Variants in FBXO30 observed in about 807,000 individuals in gnomAD.
FBXO30 encodes the protein F-box only protein 30.
Under a neutral mutation model 58.1 loss-of-function variants are expected in FBXO30, and 21 were observed. The ratio of observed to expected loss-of-function variants is 0.36; its 90% CI spans 0.26 to 0.52. The LOEUF (loss-of-function observed/expected upper bound fraction) is 0.52. Ranked by LOEUF, FBXO30 falls within the 20% of genes least tolerant of loss-of-function variation. FBXO30 has a pLI of 0.93. For missense variants in FBXO30, 744 were observed against 897.3 expected, an observed-to-expected ratio of 0.83 and a Z score of 2.18; for synonymous variants, 309 against 312.4, an observed-to-expected ratio of 0.99 and a Z score of 0.11.
chr6:145,805,502 T>A lies in FBXO30; in HGVS notation c.904A>T (p.Asn302Tyr). ...CTTTGTTTTGAATCACCATGTAAAT[T>A]CTGATTCTGGTCTATGACCTGGGTA... ...ICTQVIDQNQ[N>Y]LHGDSKQSNL... The change falls in exon 2 of 3, where the codon AAT becomes TAT. Residue 302 changes from asparagine to tyrosine, a missense_variant. Asn to Tyr is a moderately radical substitution (Grantham distance 143). This residue lies in a region of FBXO30 where 275 missense variants were observed against 262.0 expected (regional missense o/e 1.05). Transcript: ENST00000237281. The A allele has an allele frequency of 6.2e-7, 1 of 1,605,704 alleles. No individual in the cohort carries two copies. The highest frequency in any genetic ancestry group is 8.5e-7 in the Non-Finnish European group (1 of 1,175,582).
chr6:145,803,135 A>T (rs938652735), intron 2 of FBXO30, among the ~76,000 whole-genome samples: 1 of 152,136 alleles, frequency 6.6e-6, no homozygotes, highest in African/African-American at 2.4e-5. Flanking sequence ...TTTGAAGAGT[A>T]GGTGAGATTT....
rs932565087 is a variant in FBXO30, at chr6:145,793,808, A to G, written c.*6298T>C. The G allele has an allele frequency of 2.6e-5, 4 of 152,066 alleles. No individual in the cohort carries two copies. The highest frequency in any genetic ancestry group is 5.9e-5 in the Non-Finnish European group (4 of 67,898). The allele number at this position is 152,066 out of a possible 1,614,324, so 9.4% of individuals were successfully genotyped here. A position where few individuals can be genotyped will look rare whatever the true frequency, so the allele number is the denominator to read the frequency against. On this transcript the variant is annotated 3_prime_UTR_variant, in exon 3 of 3. Transcript: ENST00000237281. ...TTCTGCTGCTGTCAGGAGTACTTCT[A>G]TGATGGGATTCACAAATTTTACTAG...
intron 2 of FBXO30, among the ~76,000 whole-genome samples, chr6:145,804,129 G>T (rs536703565): frequency 1.3e-5 from 2 of 152,184 alleles, no homozygotes; most frequent in African/African-American, 4.8e-5. Context: ...AACGTAAGTG[G>T]TCTCTGCCAT....
intron 1 of FBXO30, among the ~76,000 whole-genome samples, chr6:145,811,331 C>A (rs1043160285): frequency 5.3e-5 from 8 of 152,074 alleles, no homozygotes; most frequent in Admixed American, 2.0e-4. Flanking sequence ...ATTGTATTGG[C>A]CATAAAAAGT....
chr6:145,796,968 CAA>C lies in FBXO30; in HGVS notation c.*3136_*3137del, dbSNP rs1777877809. The C allele has an allele frequency of 6.6e-6, 1 of 151,852 alleles. No homozygotes were observed. The highest frequency in any genetic ancestry group is 1.5e-5 in the Non-Finnish European group (1 of 67,862). 9.4% of individuals were successfully genotyped at this position (151,852 alleles called of 1,614,324 possible). On this transcript the variant is annotated 3_prime_UTR_variant, in exon 3 of 3. Coordinates refer to ENST00000237281, the MANE Select transcript of FBXO30 (RefSeq NM_032145.5). ...AAAAAGATTCTATACTACTTGTAAA[CAA>C]GAGATCCAATCTTTCATAACATCTT...
chr6:145,793,794 T>C lies in FBXO30; in HGVS notation c.*6312A>G, dbSNP rs1777818116. On this transcript the variant is annotated 3_prime_UTR_variant, in exon 3 of 3. Coordinates refer to ENST00000237281, the MANE Select transcript of FBXO30 (RefSeq NM_032145.5). ...AATTACAGCTTTATTTCTGCTGCTGTCAGGAGTACTTCTATGATGGGATTC... is the reference window on the plus strand; with the variant it reads ...AATTACAGCTTTATTTCTGCTGCTGCCAGGAGTACTTCTATGATGGGATTC... 1 of 152,036 alleles carries C rather than the reference T, an allele frequency of 6.6e-6. No homozygotes were observed. Among genetic ancestry groups the C allele is most frequent in the Non-Finnish European group, 1.5e-5 (1 of 67,896 alleles). The allele number at this position is 152,036 out of a possible 1,614,324, so 9.4% of individuals were successfully genotyped here.
rs998326816 is a variant in FBXO30 at position 145,797,437 on chromosome 6, A to G, written c.*2669T>C. The G allele has an allele frequency of 3.3e-5, 5 of 152,048 alleles. 1 individual carries two copies. The highest frequency in any genetic ancestry group is 2.0e-4 in the Admixed American group (3 of 15,234). The allele number at this position is 152,048 out of a possible 1,614,324, so 9.4% of individuals were successfully genotyped here. The stretch of plus-strand genomic sequence containing the variant: ...AATGCACCAGAGGGTAGCTGGCATG[A>G]CCCAGTCTTCCCTCTAAGTTCTAAT... On this transcript the variant is annotated 3_prime_UTR_variant, in exon 3 of 3. Transcript: ENST00000237281.
rs1237883709 is a variant in FBXO30 at position 145,796,827 on chromosome 6, G to A, written c.*3279C>T. On this transcript the variant is annotated 3_prime_UTR_variant, in exon 3 of 3. Coordinates refer to ENST00000237281, the MANE Select transcript of FBXO30 (RefSeq NM_032145.5). ...TACCATATCTTCAAGGGATATGGAA[G>A]TTTTGCTGAAAATCCTATTATCAGC... 2.0e-5 allele frequency: 3 copies of A among 151,862 alleles called. No homozygotes were observed. The highest frequency in any genetic ancestry group is 7.3e-5 in the African/African-American group (3 of 41,364). The allele number at this position is 151,862 out of a possible 1,614,324, so 9.4% of individuals were successfully genotyped here. A position where few individuals can be genotyped will look rare whatever the true frequency, so the allele number is the denominator to read the frequency against.
At chr6:145,814,567 G>C (rs971199230) in intron 1 of FBXO30, 36 bp downstream of exon 1, 1 of 151,630 alleles carries the variant, frequency 6.6e-6, no homozygotes, top group Non-Finnish European at 1.5e-5. Context: ...CAGCGCGGAC[G>C]GCGCCGGCCT....
Position 145,796,784 on chromosome 6 carries a change from CGAT to C in FBXO30, c.*3319_*3321del. The C allele has an allele frequency of 6.6e-6, 1 of 151,820 alleles. No homozygotes were observed. Among genetic ancestry groups the C allele is most frequent in the Non-Finnish European group, 1.5e-5 (1 of 67,902 alleles). The allele number at this position is 151,820 out of a possible 1,614,324, so 9.4% of individuals were successfully genotyped here. On this transcript the variant is annotated 3_prime_UTR_variant, in exon 3 of 3. Coordinates refer to ENST00000237281, the MANE Select transcript of FBXO30 (RefSeq NM_032145.5). ...AAATCTCCACAGGCAAAACTGTTAT[CGAT>C]ATAGTAATATAAACTACCATATCTT...
In FBXO30 at chr6:145,799,419, T is replaced by C. The variant is rs1267873803; in HGVS notation, c.*687A>G. The C allele has an allele frequency of 6.6e-6, 1 of 152,386 alleles. No homozygotes were observed. The highest frequency in any genetic ancestry group is 2.4e-5 in the African/African-American group (1 of 41,548). 9.4% of individuals were successfully genotyped at this position (152,386 alleles called of 1,614,324 possible). On this transcript the variant is annotated 3_prime_UTR_variant, in exon 3 of 3. Coordinates refer to ENST00000237281, the MANE Select transcript of FBXO30 (RefSeq NM_032145.5). ...TGTTTGTTTTTGCTTTGTCCTGTCA[T>C]ATAACACACTGCGATGAGTCTTCGG...
rs918174400 is a variant in FBXO30 at position 145,805,736 on chromosome 6, C to T, written c.670G>A (p.Ala224Thr). ...TTTTGATCCTCTAAGCTTTCTCTCG[C>T]ATTTTGCTGTTCATCCATGTCATTT... is the stretch of plus-strand genomic sequence containing the variant. ...VPNDMDEQQN[A>T]RESLEDQNLK... Residue 224 changes from alanine to threonine, a missense_variant, in exon 2 of 3, where the codon GCG becomes ACG. Physicochemically the swap from Ala to Thr is moderately conservative, Grantham distance 58. This residue lies in a region of FBXO30 where 275 missense variants were observed against 262.0 expected (regional missense o/e 1.05). Coordinates refer to ENST00000237281, the MANE Select transcript of FBXO30 (RefSeq NM_032145.5). 1.9e-6 allele frequency: 3 copies of T among 1,613,972 alleles called. No individual in the cohort carries two copies. The African/African-American group carries it at 4.0e-5, about 22-fold the overall frequency.
Position 145,799,955 on chromosome 6 carries a change from C to T in FBXO30, c.*151G>A. The T allele has an allele frequency of 1.6e-6, 1 of 629,922 alleles. No homozygotes were observed. The allele number at this position is 629,922 out of a possible 1,614,324, so 39.0% of individuals were successfully genotyped here. On this transcript the variant is annotated 3_prime_UTR_variant, in exon 3 of 3. Coordinates refer to ENST00000237281, the MANE Select transcript of FBXO30 (RefSeq NM_032145.5). ...GGCAACTTTTTCCAACTAAACAGTA[C>T]TTTATAAAAATAGATGTCACTTCAA... is the stretch of plus-strand genomic sequence containing the variant.
intron 1 of FBXO30, 63 bp downstream of exon 1, chr6:145,814,540 T>C (rs916998497): frequency 3.3e-5 from 5 of 151,736 alleles, no homozygotes; most frequent in African/African-American, 1.2e-4. Context: ...GCCCGGCCGC[T>C]GCCTTCGTCC....
rs1777812589 is a variant in FBXO30, at chr6:145,793,665, G to A, written c.*6441C>T. On this transcript the variant is annotated 3_prime_UTR_variant, in exon 3 of 3. Transcript: ENST00000237281. ...CATCTTTAAAAAGCGTGATTGGGAT[G>A]TGCCACAAGGAATCATAATAAATTT... is the stretch of plus-strand genomic sequence containing the variant. 6.6e-6 allele frequency: 1 copy of A among 151,992 alleles called. No individual in the cohort carries two copies. Among genetic ancestry groups the A allele is most frequent in the Non-Finnish European group, 1.5e-5 (1 of 67,920 alleles). The allele number at this position is 151,992 out of a possible 1,614,324, so 9.4% of individuals were successfully genotyped here.
At chr6:145,810,937 T>C (rs1239132917) in intron 1 of FBXO30, among the ~76,000 whole-genome samples, 1 of 152,162 alleles carries the variant, frequency 6.6e-6, no homozygotes, top group Non-Finnish European at 1.5e-5. Context: ...ACCCTAAGTC[T>C]TGGCTTACCT....
At chr6:145,801,937 G>C (rs1433990318) in intron 2 of FBXO30, among the ~76,000 whole-genome samples, 1 of 152,078 alleles carries the variant, frequency 6.6e-6, no homozygotes, top group African/African-American at 2.4e-5. Context: ...GCAGGCAAAA[G>C]AAAATGTATG....
rs962985728 is a variant in FBXO30 at position 145,799,098 on chromosome 6, C to T, written c.*1008G>A. On this transcript the variant is annotated 3_prime_UTR_variant, in exon 3 of 3. Transcript: ENST00000237281. ...TGGTGAAGCCTATGGGAAATTAACT[C>T]GGAAATGTTTCAAAGAGATTGTCAA... The T allele has an allele frequency of 2.6e-5, 4 of 151,468 alleles. No homozygotes were observed. The highest frequency in any genetic ancestry group is 6.6e-5 in the Admixed American group (1 of 15,172). The allele number at this position is 151,468 out of a possible 1,614,324, so 9.4% of individuals were successfully genotyped here. A position where few individuals can be genotyped will look rare whatever the true frequency, so the allele number is the denominator to read the frequency against.
Position 145,805,884 on chromosome 6 carries a change from A to G in FBXO30, c.522T>C (p.Val174=). 5 of 1,614,064 alleles carry G rather than the reference A, an allele frequency of 3.1e-6. No homozygotes were observed. Among genetic ancestry groups the G allele is most frequent in the Non-Finnish European group, 3.4e-6 (4 of 1,179,986 alleles). The change falls in exon 2 of 3, where the codon GTT becomes GTC. Residue 174 remains valine, a synonymous_variant. Coordinates refer to ENST00000237281, the MANE Select transcript of FBXO30 (RefSeq NM_032145.5). ...AAAGTGCACCATAAGATTCTTCATC[A>G]ACAGACACTAAACCATTAGCATGTG... ...EIPHANGLVS[V]DEESYGALYQ...
Sources: gnomAD v4.1 joint callset for allele counts (sites outside exome capture counted in the v4.1 genomes callset) on GRCh38, gnomAD v4.1.1 for gene constraint, gnomAD v4.1.1 regional missense constraint, MANE v1.5 for transcripts, NCBI Gene and HGNC (gene_info 2026-07-23, HGNC 2026-07-21) for gene names.